VPS13C: variants seen among roughly 807,000 people sequenced by gnomAD.
VPS13C encodes intermembrane lipid transfer protein VPS13C.
VPS13C carries 358 observed loss-of-function variants against 456.8 expected under a neutral mutation model. The observed-to-expected ratio is 0.78, with a 90% CI of 0.72 to 0.86. VPS13C has a LOEUF of 0.86. Ranked by LOEUF, VPS13C falls within the 40% of genes least tolerant of loss-of-function variation. The pLI, the probability that VPS13C is intolerant of heterozygous loss-of-function variation, is 0.00. For missense variants in VPS13C, 4,818 were observed against 4,385.4 expected, an observed-to-expected ratio of 1.10 and a Z score of -2.79; for synonymous variants, 1,578 against 1,486.7, an observed-to-expected ratio of 1.06 and a Z score of -1.41.
Position 61,907,322 on chromosome 15 carries a change from C to G in VPS13C, c.9047G>C (p.Gly3016Ala). Reference sequence around the variant, plus strand: ...ATATGTCCATGTAAGTTTTCTGGTACCAGTAGGATCTGCCCAGGCAAAAAG... The same window carrying G: ...ATATGTCCATGTAAGTTTTCTGGTAGCAGTAGGATCTGCCCAGGCAAAAAG... ...ARLFAWADPT[G>A]TRKLTWTYAA... is the part of the protein sequence containing the mutation. Residue 3016 changes from glycine (G) to alanine (A), a missense_variant, in exon 66 of 85, where the codon GGT (glycine) becomes GCT (alanine). Around this residue, in one of 3 missense-constraint regions of VPS13C, gnomAD observed 4,552 missense variants for 4,130.6 expected, o/e 1.10. Coordinates refer to ENST00000644861, the MANE Select transcript of VPS13C (RefSeq NM_020821.3). The G allele has an allele frequency of 6.2e-7, 1 of 1,614,020 alleles. No homozygotes were observed. The highest frequency in any genetic ancestry group is 8.5e-7 in the Non-Finnish European group (1 of 1,179,904).
intron 18 of VPS13C, among the ~76,000 whole-genome samples, chr15:61,986,475 T>C (rs552727411): frequency 6.6e-6 from 1 of 152,014 alleles, no homozygotes; most frequent in Non-Finnish European, 1.5e-5. Context: ...AACTTGGAAA[T>C]ACCTCAGAGA....
intron 4 of VPS13C, 22 bp downstream of exon 4, chr15:62,034,935 G>T: frequency 2.6e-6 from 4 of 1,518,574 alleles, no homozygotes; most frequent in Non-Finnish European, 3.6e-6. Flanking sequence ...TTATTGAATG[G>T]TTATAACCTA....
At chr15:61,952,017 A>G in intron 38 of VPS13C, 37 bp from the exon 39 acceptor site, 1 of 1,594,510 alleles carries the variant, frequency 6.3e-7, no homozygotes, top group Non-Finnish European at 8.5e-7. Flanking sequence ...CAACTATTTC[A>G]CCAATATGCA....
chr15:62,000,680 A>C (rs886638390), intron 15 of VPS13C, 54 bp from the exon 16 acceptor site: 2 of 1,495,748 alleles, frequency 1.3e-6, no homozygotes, highest in Non-Finnish European at 1.8e-6. Context: ...AGATAAAAGA[A>C]ATTTTTCTTT....
At chr15:61,863,549 T>C in intron 81 of VPS13C, 21 bp from the exon 82 acceptor site, 1 of 1,573,922 alleles carries the variant, frequency 6.4e-7, no homozygotes, top group Non-Finnish European at 8.7e-7. Flanking sequence ...AACCAGGCTC[T>C]AGATTTGGGA....
rs2140374171 is a variant in VPS13C, at chr15:61,978,718, G to C, written c.2198C>G (p.Thr733Ser). The change falls in exon 23 of 85, where the codon ACT becomes AGT. Residue 733 changes from threonine (T) to serine (S), a missense_variant. Thr to Ser is a moderately conservative substitution (Grantham distance 58). This residue lies in a region of VPS13C where 4,552 missense variants were observed against 4,130.6 expected (regional missense o/e 1.10). Transcript: ENST00000644861. ...TATTTCTTCCAGAGATGAATTAGTA[G>C]TCTTCTGTAAACCTTGATCTTTACT... ...LNSKDQGLQK[T>S]TNSSLEEIMD... 1 of 1,609,576 alleles carries C rather than the reference G, an allele frequency of 6.2e-7. No individual in the cohort carries two copies. The highest frequency in any genetic ancestry group is 1.3e-5 in the African/African-American group (1 of 74,770).
chr15:61,898,168 T>C (rs1343491051), intron 66 of VPS13C, among the ~76,000 whole-genome samples: 1 of 151,484 alleles, frequency 6.6e-6, no homozygotes, highest in African/African-American at 2.4e-5. Context: ...GTAAAGACCA[T>C]CGAGACTAGG....
chr15:62,052,542 G>T (rs925259567), intron 1 of VPS13C, among the ~76,000 whole-genome samples: 2 of 151,720 alleles, frequency 1.3e-5, no homozygotes, highest in Non-Finnish European at 2.9e-5. Context: ...GCGTGGTGGC[G>T]GGTGCCTGTA....
chr15:61,943,156 A>G (rs893372274), intron 45 of VPS13C, among the ~76,000 whole-genome samples: 1 of 152,196 alleles, frequency 6.6e-6, no homozygotes, highest in African/African-American at 2.4e-5. Context: ...ATGCTCATGG[A>G]TTACAAGAAT....
intron 49 of VPS13C, among the ~76,000 whole-genome samples, chr15:61,932,931 C>T (rs2044109788): frequency 6.6e-6 from 1 of 151,956 alleles, no homozygotes; most frequent in Non-Finnish European, 1.5e-5. Flanking sequence ...GATTATATAA[C>T]ACAATGTTTA....
At chr15:61,974,465 A>G (rs2045646854) in intron 24 of VPS13C, 48 bp from the exon 25 acceptor site, 1 of 1,589,078 alleles carries the variant, frequency 6.3e-7, no homozygotes, top group Non-Finnish European at 8.6e-7. Flanking sequence ...TACATTACAA[A>G]CGAGGGAAAG....
chr15:61,855,104 T>C (rs913262742), intron 83 of VPS13C, 150 bp from the exon 84 acceptor site: 2 of 652,574 alleles, frequency 3.1e-6, no homozygotes, highest in South Asian at 2.2e-5. Context: ...AAATAAATCA[T>C]CTTGGAACAA....
At chr15:61,977,041 C>T in intron 24 of VPS13C, 41 bp downstream of exon 24, 1 of 1,391,212 alleles carries the variant, frequency 7.2e-7, no homozygotes, top group Non-Finnish European at 1.0e-6. Context: ...AGACATATTT[C>T]ACCTGTTGAT....
Position 61,913,328 on chromosome 15 carries a change from T to G in VPS13C, c.8533A>C (p.Asn2845His). ...AATCTTACCAGGTACTCCATATTGT[T>G]GGCAGGACACTTCACACACCCATAA... ...GSYGCVKCPA[N>H]NMEYLVGVSI... Residue 2845 changes from asparagine (N) to histidine (H), a missense_variant, in exon 62 of 85, where the codon AAC (asparagine) becomes CAC (histidine). Coordinates refer to ENST00000644861, the MANE Select transcript of VPS13C (RefSeq NM_020821.3). 3.7e-6 allele frequency: 6 copies of G among 1,614,076 alleles called. No individual in the cohort carries two copies. The highest frequency in any genetic ancestry group is 5.1e-6 in the Non-Finnish European group (6 of 1,179,962).
At chr15:61,931,369 T>A (rs2044049486) in intron 49 of VPS13C, 110 bp from the exon 50 acceptor site, 1 of 1,150,828 alleles carries the variant, frequency 8.7e-7, no homozygotes, top group Non-Finnish European at 1.2e-6. Context: ...CTCATGAATT[T>A]TAAAAGTATG....
intron 2 of VPS13C, among the ~76,000 whole-genome samples, chr15:62,041,600 CTG>C (rs2048243896): frequency 6.6e-6 from 1 of 152,038 alleles, no homozygotes; most frequent in Non-Finnish European, 1.5e-5. Flanking sequence ...GGTGGATCGC[CTG>C]AGTTCAGGAG....
chr15:62,048,418 A>G (rs1161752092), intron 1 of VPS13C, among the ~76,000 whole-genome samples: 1 of 151,866 alleles, frequency 6.6e-6, no homozygotes, highest in Non-Finnish European at 1.5e-5. Flanking sequence ...CCATGTCCCT[A>G]CAAAGGACAT....
chr15:61,982,543 G>GA lies in VPS13C; in HGVS notation c.1944dup (p.Gln649SerfsTer4). The GA allele has an allele frequency of 6.2e-7, 1 of 1,608,482 alleles. No individual in the cohort carries two copies. Among genetic ancestry groups the GA allele is most frequent in the Non-Finnish European group, 8.5e-7 (1 of 1,178,372 alleles). On this transcript the variant is annotated frameshift_variant, in exon 21 of 85. Coordinates refer to ENST00000644861, the MANE Select transcript of VPS13C (RefSeq NM_020821.3). LOFTEE classifies it high-confidence loss of function. ...TCAAGATCCAATCCCTTATTTGATTGAAAGAATTCAACCACTGCATTGACA... is the reference window on the plus strand; with the variant it reads ...TCAAGATCCAATCCCTTATTTGATTGAAAAGAATTCAACCACTGCATTGACA...
At position 62,013,078 on chromosome 15, in the gene VPS13C, A is replaced by G; in HGVS notation, c.786T>C (p.Asn262=). The G allele has an allele frequency of 6.2e-7, 1 of 1,611,186 alleles. No homozygotes were observed. The highest frequency in any genetic ancestry group is 1.3e-5 in the African/African-American group (1 of 74,964). Reference sequence around the variant, plus strand: ...TTGATCTCTGGTAAGACATGCTGCAATTTACATTCCAGTAGGCGCTAAGAC... The same window carrying G: ...TTGATCTCTGGTAAGACATGCTGCAGTTTACATTCCAGTAGGCGCTAAGAC... ...LDSLSAYWNV[N]CSMSYQRSRE... is the part of the protein sequence containing the mutation. The change falls in exon 11 of 85, where the codon AAT becomes AAC. Residue 262 remains asparagine, a synonymous_variant. Transcript: ENST00000644861.
Sources: gnomAD v4.1 joint callset for allele counts (sites outside exome capture counted in the v4.1 genomes callset) on GRCh38, gnomAD v4.1.1 for gene constraint, gnomAD v4.1.1 regional missense constraint, MANE v1.5 for transcripts, NCBI Gene and HGNC (gene_info 2026-07-23, HGNC 2026-07-21) for gene names.